PLXDC2: variants seen among roughly 807,000 people sequenced by gnomAD.
PLXDC2 encodes plexin domain-containing protein 2.
PLXDC2 carries 40 observed loss-of-function variants against 68.9 expected under a neutral mutation model. The observed-to-expected ratio is 0.58, with a 90% CI of 0.45 to 0.76. PLXDC2 has a LOEUF of 0.76. Ranked by LOEUF, PLXDC2 falls within the 30% of genes least tolerant of loss-of-function variation. The pLI is 0.00. For missense variants in PLXDC2, 644 were observed against 661.9 expected (o/e 0.97, Z 0.30); for synonymous variants, 243 against 234.2 (o/e 1.04, Z -0.34).
intron 1 of PLXDC2, among the ~76,000 whole-genome samples, chr10:19,820,602 C>A (rs1836446963): frequency 6.6e-6 from 1 of 150,720 alleles, no homozygotes. Flanking sequence ...CCACTGCAGT[C>A]CGCAGTCCGG....
intron 4 of PLXDC2, among the ~76,000 whole-genome samples, chr10:20,110,822 G>A (rs371905607): frequency 1.2e-4 from 18 of 152,178 alleles, no homozygotes; most frequent in Middle Eastern, 3.4e-3. Context: ...TCTTTGTTTC[G>A]TTTTGTTTTT....
At chr10:20,035,175 G>A (rs571542024) in intron 2 of PLXDC2, among the ~76,000 whole-genome samples, 1 of 152,096 alleles carries the variant, frequency 6.6e-6, no homozygotes, top group African/African-American at 2.4e-5. Context: ...GCAAAATGAT[G>A]TGCAGAGGGG....
chr10:20,105,449 C>A (rs1833479487), intron 4 of PLXDC2, among the ~76,000 whole-genome samples: 2 of 151,452 alleles, frequency 1.3e-5, no homozygotes, highest in Admixed American at 6.6e-5. Flanking sequence ...ATATTAATGG[C>A]AAAAAGCAAT....
chr10:19,864,919 A>C (rs915595609), intron 1 of PLXDC2, among the ~76,000 whole-genome samples: 15 of 152,120 alleles, frequency 9.9e-5, no homozygotes, highest in African/African-American at 3.6e-4. Context: ...GGTAAGTGAG[A>C]GTTGGAAAAG....
intron 1 of PLXDC2, among the ~76,000 whole-genome samples, chr10:19,922,867 T>C (rs1219650955): frequency 6.6e-6 from 1 of 152,146 alleles, no homozygotes; most frequent in Non-Finnish European, 1.5e-5. Flanking sequence ...ATTAATAACA[T>C]AGTACCAAGC....
chr10:20,258,441 CCAAA>C (rs1164622079), intron 13 of PLXDC2, among the ~76,000 whole-genome samples: 1 of 152,096 alleles, frequency 6.6e-6, no homozygotes, highest in Admixed American at 6.5e-5. Flanking sequence ...TTATACTCGG[CCAAA>C]CAGTTTTATA....
At chr10:20,251,360 A>G (rs1432070332) in intron 13 of PLXDC2, among the ~76,000 whole-genome samples, 2 of 152,202 alleles carry the variant, frequency 1.3e-5, no homozygotes, top group African/African-American at 4.8e-5. Flanking sequence ...GAAATTTATT[A>G]TCTTGAAACA....
intron 4 of PLXDC2, among the ~76,000 whole-genome samples, chr10:20,140,691 A>G (rs1408111932): frequency 2.0e-5 from 3 of 152,152 alleles, no homozygotes; most frequent in Non-Finnish European, 4.4e-5. Context: ...GGTAAAGCCT[A>G]TCATTAGATG....
At chr10:19,910,061 C>T (rs1310604362) in intron 1 of PLXDC2, among the ~76,000 whole-genome samples, 1 of 151,864 alleles carries the variant, frequency 6.6e-6, no homozygotes, top group Non-Finnish European at 1.5e-5. Context: ...CTGAGTGGTC[C>T]AGGGTGATGT....
chr10:20,251,801 A>T (rs370144457), intron 13 of PLXDC2, among the ~76,000 whole-genome samples: 15 of 152,164 alleles, frequency 9.9e-5, no homozygotes, highest in African/African-American at 3.6e-4. Flanking sequence ...CTTAGTATAC[A>T]TAAATAATTG....
intron 2 of PLXDC2, among the ~76,000 whole-genome samples, chr10:20,035,974 A>C (rs925411113): frequency 5.3e-5 from 8 of 152,194 alleles, no homozygotes; most frequent in Non-Finnish European, 1.2e-4. Flanking sequence ...AGATCAAGAC[A>C]GATAACTGTG....
At chr10:19,994,857 C>T (rs1011249413) in intron 1 of PLXDC2, among the ~76,000 whole-genome samples, 2 of 152,026 alleles carry the variant, frequency 1.3e-5, no homozygotes, top group African/African-American at 4.8e-5. Flanking sequence ...ATTCTCCTGC[C>T]TCAGCCTCCC....
In PLXDC2 at chr10:20,279,109, T is replaced by C. The variant is rs920109686; in HGVS notation, c.1474-594T>C. On this transcript the variant is annotated intron_variant, in intron 13 of 13. Coordinates refer to ENST00000377252, the MANE Select transcript of PLXDC2 (RefSeq NM_032812.9). The stretch of plus-strand genomic sequence containing the variant: ...GATAATAGATTCCATTTTTAGGATA[T>C]AACAGCTTTAATTTTCAAGCACAAA... Among the ~76,000 whole-genome samples, 7 of 152,210 alleles carry C rather than the reference T, an allele frequency of 4.6e-5. No individual in the cohort carries two copies. In the South Asian group the frequency reaches 6.2e-4, roughly 13 times the overall value.
chr10:20,090,747 CA>C (rs1161953035), intron 4 of PLXDC2, among the ~76,000 whole-genome samples: 35 of 152,158 alleles, frequency 2.3e-4, no homozygotes, highest in African/African-American at 7.7e-4. Context: ...CAGAAACTGA[CA>C]TTACTTAGTT....
chr10:20,035,823 C>T (rs568307344), intron 2 of PLXDC2, among the ~76,000 whole-genome samples: 6 of 152,122 alleles, frequency 3.9e-5, no homozygotes, highest in Admixed American at 3.9e-4. Flanking sequence ...TAGAAAGAAA[C>T]CACCCAGCTT....
At chr10:19,881,681 G>A (rs746023570) in intron 1 of PLXDC2, among the ~76,000 whole-genome samples, 7 of 152,162 alleles carry the variant, frequency 4.6e-5, no homozygotes, top group Non-Finnish European at 1.0e-4. Context: ...TTGAGAAAAT[G>A]AAAAGGGTCA....
intron 3 of PLXDC2, among the ~76,000 whole-genome samples, chr10:20,049,556 A>G (rs190686520): frequency 5.3e-5 from 8 of 152,170 alleles, no homozygotes; most frequent in Non-Finnish European, 1.2e-4. Flanking sequence ...GCATTCCAAT[A>G]CACCACCAAC....
intron 4 of PLXDC2, among the ~76,000 whole-genome samples, chr10:20,098,079 G>A (rs1833374977): frequency 6.6e-6 from 1 of 151,760 alleles, no homozygotes; most frequent in Non-Finnish European, 1.5e-5. Context: ...TTTATTTGTG[G>A]GGGGCGGTAC....
At chr10:19,988,895 A>G (rs1350702237) in intron 1 of PLXDC2, among the ~76,000 whole-genome samples, 3 of 139,722 alleles carry the variant, frequency 2.1e-5, no homozygotes, top group African/African-American at 8.0e-5. Context: ...TCCCCCGTTC[A>G]GGAGATTCTC....
Sources: allele counts gnomAD v4.1 joint callset (sites outside exome capture counted in the v4.1 genomes callset), GRCh38; gene constraint gnomAD v4.1.1; transcripts MANE v1.5; gene names NCBI Gene and HGNC (gene_info 2026-07-23, HGNC 2026-07-21).